Variants in DYNC1H1 observed in about 807,000 individuals in gnomAD.
The protein encoded by DYNC1H1 is dynein cytoplasmic 1 heavy chain 1.
A neutral mutation model predicts 527.1 loss-of-function variants in DYNC1H1; 51 were observed. That is an observed-to-expected ratio of 0.10 (90% CI 0.08 to 0.12). The LOEUF is 0.12. Ranked by LOEUF, DYNC1H1 falls within the 10% of genes least tolerant of loss-of-function variation. DYNC1H1 has a pLI of 1.00. For synonymous variants in DYNC1H1, 2,189 were observed against 2,278.8 expected (o/e 0.96, Z 1.12); for missense variants, 2,771 against 5,971.8 (o/e 0.46, Z 17.66).
Position 102,032,726 on chromosome 14 carries a change from G to A in DYNC1H1, c.10079+259G>A, listed in dbSNP as rs1029538684. 45 of 581,774 alleles carry A rather than the reference G, an allele frequency of 7.7e-5. 1 individual carries two copies. Among genetic ancestry groups the A allele is most frequent in the South Asian group, 6.5e-4 (33 of 50,822 alleles). The allele number at this position is 581,774 out of a possible 1,614,324, so 36.0% of individuals were successfully genotyped here. ...AAATGAGCTGGGCGGGGTGGCATGC[G>A]CCTGTAGTCCTAGCTACTTGGGAGG... is the stretch of plus-strand genomic sequence containing the variant. On this transcript the variant is annotated intron_variant, in intron 52 of 77. Coordinates refer to ENST00000360184, the MANE Select transcript of DYNC1H1 (RefSeq NM_001376.5).
chr14:102,017,680 G>A lies in DYNC1H1; in HGVS notation c.8177+176G>A, dbSNP rs2048339227. ...CCAGGAAAACATGTTAAAAATAAAA[G>A]CATTGGCCGGGCGCAGTGGCTTACG... On this transcript the variant is annotated intron_variant, in intron 40 of 77. Transcript: ENST00000360184. The surrounding 1 kb of genome is among the most constrained non-coding windows in gnomAD (Gnocchi z 4.6). 2 of 1,277,700 alleles carry A rather than the reference G, an allele frequency of 1.6e-6. No homozygotes were observed. The highest frequency in any genetic ancestry group is 2.2e-6 in the Non-Finnish European group (2 of 918,870). 79.1% of individuals were successfully genotyped at this position (1,277,700 alleles called of 1,614,324 possible). A position where few individuals can be genotyped will look rare whatever the true frequency, so the allele number is the denominator to read the frequency against.
Position 102,044,548 on chromosome 14 carries a change from C to T in DYNC1H1, c.12903-47C>T, listed in dbSNP as rs147521173. On this transcript the variant is annotated intron_variant, in intron 71 of 77. Transcript: ENST00000360184. The surrounding 1 kb of genome is among the most constrained non-coding windows in gnomAD (Gnocchi z 7.1). ...TGTGATGTCAGGGCGTCTGGTGTCA[C>T]TCAGAGGTGACCCCTGACATCATTT... 218 of 1,613,882 alleles carry T rather than the reference C, an allele frequency of 1.4e-4. No individual in the cohort carries two copies. Among genetic ancestry groups the T allele is most frequent in the Non-Finnish European group, 1.7e-4 (205 of 1,179,776 alleles).
rs1324948272 is a variant in DYNC1H1, at chr14:101,970,470, G to GTTTTTTTTTTTTTT, written c.257-5240_257-5239insTTTTTTTTTTTTTT. ...GTGGTATTAGTATGTTTGGTTTGTT[G>GTTTTTTTTTTTTTT]TTGTTTTTTTTTTTTTTTTTTTTTT... On this transcript the variant is annotated intron_variant, in intron 1 of 77. Coordinates refer to ENST00000360184, the MANE Select transcript of DYNC1H1 (RefSeq NM_001376.5). Among the ~76,000 whole-genome samples the GTTTTTTTTTTTTTT allele has an allele frequency of 5.2e-5, 5 of 96,276 alleles. 1 individual carries two copies. Among genetic ancestry groups the GTTTTTTTTTTTTTT allele is most frequent in the African/African-American group, 9.5e-5 (2 of 21,026 alleles). 63.2% of individuals were successfully genotyped at this position (96,276 alleles called of 152,430 possible).
Position 102,022,604 on chromosome 14 carries a change from G to A in DYNC1H1, c.8508-147G>A, listed in dbSNP as rs999605135. The A allele has an allele frequency of 2.0e-5, 22 of 1,091,120 alleles. 1 individual carries two copies. The South Asian group carries it at 2.8e-4, about 14-fold the overall frequency. The allele number at this position is 1,091,120 out of a possible 1,614,324, so 67.6% of individuals were successfully genotyped here. On this transcript the variant is annotated intron_variant, in intron 42 of 77. Coordinates refer to ENST00000360184, the MANE Select transcript of DYNC1H1 (RefSeq NM_001376.5). ...AAGCTGTCATGAGTTCAGCTTTTAG[G>A]TTCATCCATGCATAGTAAAGGAAGA...
At chr14:101,994,150 A>G (rs1245906696) in intron 11 of DYNC1H1, 34 bp from the exon 12 acceptor site, 1 of 1,614,142 alleles carries the variant, frequency 6.2e-7, no homozygotes, top group Non-Finnish European at 8.5e-7. Context: ...TTTCATATAC[A>G]CTGCTTGCAT....
rs886942555 is a variant in DYNC1H1, at chr14:102,034,517, A to G, written c.10754+65A>G. 4.3e-6 allele frequency: 7 copies of G among 1,609,808 alleles called. No homozygotes were observed. In the Admixed American group the frequency reaches 8.3e-5, roughly 19 times the overall value. ...TGGGTGGTGATCTTGAATTTTTTTCAAAATACACCCTTGTTTGAAGAGAGG... is the reference window on the plus strand; with the variant it reads ...TGGGTGGTGATCTTGAATTTTTTTCGAAATACACCCTTGTTTGAAGAGAGG... On this transcript the variant is annotated intron_variant, in intron 56 of 77. Coordinates refer to ENST00000360184, the MANE Select transcript of DYNC1H1 (RefSeq NM_001376.5).
At chr14:101,984,816 C>G (rs1371697634) in intron 7 of DYNC1H1, among the ~76,000 whole-genome samples, 1 of 150,468 alleles carries the variant, frequency 6.6e-6, no homozygotes, top group African/African-American at 2.4e-5. Context: ...GCCTGTAGTC[C>G]CAGCTACTCG....
At chr14:102,008,589 A>G (rs1020082981) in intron 29 of DYNC1H1, among the ~76,000 whole-genome samples, 5 of 152,056 alleles carry the variant, frequency 3.3e-5, no homozygotes, top group African/African-American at 1.2e-4. Flanking sequence ...GGAGTTCAAG[A>G]CCAGTCTGGC....
Position 102,036,769 on chromosome 14 carries a change from T to A in DYNC1H1, c.10908+127T>A, listed in dbSNP as rs1179742340. ...CAGAAGGATAAAGCTTTGCGGTGGT[T>A]CTGTAATAGATAAATTCAACAGAAT... On this transcript the variant is annotated intron_variant, in intron 57 of 77. Coordinates refer to ENST00000360184, the MANE Select transcript of DYNC1H1 (RefSeq NM_001376.5). This position sits in a 1 kb window ranked among gnomAD's most constrained non-coding sequence, Gnocchi z 5.6. The A allele has an allele frequency of 1.6e-5, 20 of 1,240,392 alleles. No homozygotes were observed. Among genetic ancestry groups the A allele is most frequent in the East Asian group, 2.4e-5 (1 of 42,538 alleles). 76.8% of individuals were successfully genotyped at this position (1,240,392 alleles called of 1,614,324 possible).
chr14:102,027,146 A>C lies in DYNC1H1; in HGVS notation c.8772-28A>C. The C allele has an allele frequency of 6.2e-7, 1 of 1,608,460 alleles. No homozygotes were observed. Among genetic ancestry groups the C allele is most frequent in the East Asian group, 2.2e-5 (1 of 44,840 alleles). On this transcript the variant is annotated intron_variant, in intron 44 of 77. Coordinates refer to ENST00000360184, the MANE Select transcript of DYNC1H1 (RefSeq NM_001376.5). This position sits in a 1 kb window ranked among gnomAD's most constrained non-coding sequence, Gnocchi z 7.7. ...GGGGAATGAGGCATTATAAGCCTTA[A>C]CATTGATCAGTTCTCGTAATGTTTC...
intron 69 of DYNC1H1, 102 bp from the exon 70 acceptor site, chr14:102,043,773 G>A (rs2048681281): frequency 6.5e-7 from 1 of 1,536,414 alleles, no homozygotes; most frequent in Admixed American, 1.7e-5. Context: ...TCGTCAGGAT[G>A]TGGAGAGCTC....
chr14:102,034,748 A>C (rs975829205), intron 56 of DYNC1H1: 18 of 482,936 alleles, frequency 3.7e-5, no homozygotes, highest in Non-Finnish European at 6.1e-5. Flanking sequence ...ACATGGTGAA[A>C]TCCTGTCTCT....
chr14:102,049,060 C>T lies in DYNC1H1; in HGVS notation c.13373-380C>T. ...GGCAGGCGGGCATGGGGGGCTCATC[C>T]AAAGTTGTGGGGAGCCCCCAGCATC... On this transcript the variant is annotated intron_variant, in intron 74 of 77. Coordinates refer to ENST00000360184, the MANE Select transcript of DYNC1H1 (RefSeq NM_001376.5). The surrounding 1 kb of genome is among the most constrained non-coding windows in gnomAD (Gnocchi z 5.5). The T allele has an allele frequency of 2.3e-6, 1 of 426,490 alleles. No individual in the cohort carries two copies. Among genetic ancestry groups the T allele is most frequent in the Non-Finnish European group, 4.4e-6 (1 of 228,134 alleles). The allele number at this position is 426,490 out of a possible 1,614,324, so 26.4% of individuals were successfully genotyped here. A position where few individuals can be genotyped will look rare whatever the true frequency, so the allele number is the denominator to read the frequency against.
intron 1 of DYNC1H1, among the ~76,000 whole-genome samples, chr14:101,973,693 C>G (rs563697293): frequency 8.5e-5 from 13 of 152,188 alleles, no homozygotes; most frequent in African/African-American, 2.9e-4. Flanking sequence ...GGTCCCAGCT[C>G]TTTGGGAGGC....
chr14:102,034,109 A>T lies in DYNC1H1; in HGVS notation c.10547A>T (p.Tyr3516Phe). ...DCLLSAAFIAYAGYFDQQMRQ... is the reference protein window; with the variant it reads ...DCLLSAAFIAFAGYFDQQMRQ... ...CTCTTGTCAGCTGCGTTCATTGCCT[A>T]CGCGGGTTACTTTGACCAGCAGATG... Residue 3516 changes from tyrosine to phenylalanine, a missense_variant, in exon 55 of 78, where the codon TAC becomes TTC. Tyr to Phe is a conservative substitution (Grantham distance 22). Coordinates refer to ENST00000360184, the MANE Select transcript of DYNC1H1 (RefSeq NM_001376.5). 6.2e-7 allele frequency: 1 copy of T among 1,614,134 alleles called. No homozygotes were observed. Among genetic ancestry groups the T allele is most frequent in the Non-Finnish European group, 8.5e-7 (1 of 1,180,042 alleles).
In DYNC1H1 at chr14:101,994,264, C is replaced by G. The variant is rs1060504507; in HGVS notation, c.3096C>G (p.Ala1032=). ...ALTRMPDGPV[A]LEESYSAVMG... ...CACGGATGCCTGATGGCCCTGTTGC[C>G]CTGGAAGAGTCGTATTCTGCTGTCA... The change falls in exon 12 of 78, where the codon GCC becomes GCG. Residue 1032 remains alanine, a synonymous_variant. Transcript: ENST00000360184. The G allele has an allele frequency of 1.2e-6, 2 of 1,614,070 alleles. No individual in the cohort carries two copies. The highest frequency in any genetic ancestry group is 1.7e-6 in the Non-Finnish European group (2 of 1,180,016).
chr14:102,000,821 G>A (rs1477227463), intron 18 of DYNC1H1, 133 bp from the exon 19 acceptor site: 11 of 787,546 alleles, frequency 1.4e-5, no homozygotes, highest in East Asian at 1.0e-4. Flanking sequence ...TGATCTGCTC[G>A]CCCGGCCTCC....
At chr14:101,970,756 T>A (rs2047727954) in intron 1 of DYNC1H1, among the ~76,000 whole-genome samples, 1 of 152,076 alleles carries the variant, frequency 6.6e-6, no homozygotes, top group Admixed American at 6.6e-5. Context: ...GTGCTGGGAC[T>A]GCAGGCGTGA....
intron 72 of DYNC1H1, 174 bp from the exon 73 acceptor site, chr14:102,047,635 GTGTGTGTA>G (rs961007098): frequency 8.5e-4 from 339 of 399,604 alleles, no homozygotes; most frequent in Non-Finnish European, 1.1e-3. Context: ...GTGTGTGTGT[GTGTGTGTA>G]TATATATATA....
Sources: gnomAD v4.1 joint callset for allele counts (sites outside exome capture counted in the v4.1 genomes callset) on GRCh38, gnomAD v4.1.1 for gene constraint, Gnocchi (gnomAD v3.1) non-coding constraint, MANE v1.5 for transcripts, NCBI Gene and HGNC (gene_info 2026-07-23, HGNC 2026-07-21) for gene names.